SLC4A4: variants seen among roughly 807,000 people sequenced by gnomAD.
SLC4A4 encodes the protein solute carrier family 4 member 4, also known as electrogenic sodium bicarbonate cotransporter 1.
Under a neutral mutation model 111.5 loss-of-function variants are expected in SLC4A4, and 27 were observed. That is an observed-to-expected ratio of 0.24 (90% CI 0.18 to 0.33). SLC4A4 has a LOEUF of 0.33. Among genes scored for constraint, SLC4A4 ranks in the 10% least tolerant of loss-of-function variants. The pLI is 1.00. For synonymous variants in SLC4A4, 443 were observed against 463.4 expected (o/e 0.96, Z 0.57); for missense variants, 909 against 1,315.5 (o/e 0.69, Z 4.78).
At chr4:71,230,726 A>G (rs988228498) in intron 1 of SLC4A4, among the ~76,000 whole-genome samples, 1 of 152,182 alleles carries the variant, frequency 6.6e-6, no homozygotes, top group African/African-American at 2.4e-5. Flanking sequence ...AACTTGATCC[A>G]TGTGCAGCAT....
intron 2 of SLC4A4, 85 bp from the exon 3 acceptor site, chr4:71,255,135 T>G (rs1208162610): frequency 9.6e-6 from 12 of 1,249,452 alleles, no homozygotes; most frequent in Non-Finnish European, 1.4e-5. Flanking sequence ...TATAGACATT[T>G]TCTTCTGATC....
chr4:71,508,012 C>G (rs1391775278), intron 16 of SLC4A4, among the ~76,000 whole-genome samples: 1 of 152,016 alleles, frequency 6.6e-6, no homozygotes, highest in Non-Finnish European at 1.5e-5. Flanking sequence ...AATTAAGGCA[C>G]AAATCAGGAA....
rs7654669 is a variant in SLC4A4 at position 71,212,886 on chromosome 4, A to G, written c.-1-23690A>G. Among the ~76,000 whole-genome samples, 427 of 152,338 alleles carry G rather than the reference A, an allele frequency of 2.8e-3. 3 individuals are homozygous for G. Among genetic ancestry groups the G allele is most frequent in the African/African-American group, 9.7e-3 (403 of 41,572 alleles). On this transcript the variant is annotated intron_variant, in intron 1 of 25. Coordinates refer to ENST00000264485, the MANE Select transcript of SLC4A4 (RefSeq NM_001098484.3). ...TCCTTGCATAACGATGTTTTGGTCA[A>G]TGATGGGCCACATATATGACAGCAG...
chr4:71,558,838 G>C (rs767353985), intron 22 of SLC4A4, among the ~76,000 whole-genome samples: 8 of 151,252 alleles, frequency 5.3e-5, no homozygotes, highest in Non-Finnish European at 7.4e-5. Flanking sequence ...TCTTAATGGT[G>C]GCTTATGTCT....
chr4:71,467,076 G>C (rs1160761287), intron 13 of SLC4A4, among the ~76,000 whole-genome samples: 2 of 151,530 alleles, frequency 1.3e-5, no homozygotes, highest in African/African-American at 4.8e-5. Context: ...CTGTCAAGTG[G>C]CTCATCCACC....
At chr4:71,229,823 T>G (rs1342966094) in intron 1 of SLC4A4, among the ~76,000 whole-genome samples, 1 of 151,758 alleles carries the variant, frequency 6.6e-6, no homozygotes, top group African/African-American at 2.4e-5. Context: ...TTTTTTTTTT[T>G]TTTTTTTTTT....
chr4:71,067,693 A>C (rs970493911), intron 1 of SLC4A4, among the ~76,000 whole-genome samples: 1 of 152,182 alleles, frequency 6.6e-6, no homozygotes, highest in Non-Finnish European at 1.5e-5. Context: ...ATAAAAGGAA[A>C]TACCAGGATA....
chr4:71,430,782 C>T (rs1172704965), intron 7 of SLC4A4, among the ~76,000 whole-genome samples: 3 of 152,120 alleles, frequency 2.0e-5, no homozygotes, highest in African/African-American at 4.8e-5. Context: ...CCTTTCAACA[C>T]GACGGGGAAC....
intron 2 of SLC4A4, among the ~76,000 whole-genome samples, chr4:71,240,987 T>G (rs1720167919): frequency 6.6e-6 from 1 of 151,676 alleles, no homozygotes; most frequent in African/African-American, 2.4e-5. Flanking sequence ...CTGGGTGTTG[T>G]GCATGCCTGT....
chr4:71,360,919 A>T (rs1056740323), intron 6 of SLC4A4, among the ~76,000 whole-genome samples: 1 of 152,190 alleles, frequency 6.6e-6, no homozygotes, highest in African/African-American at 2.4e-5. Flanking sequence ...AATGGAATTT[A>T]TTGAGCAAAA....
At chr4:71,451,137 C>T (rs536432297) in intron 10 of SLC4A4, 51 bp from the exon 11 acceptor site, 8 of 1,185,526 alleles carry the variant, frequency 6.7e-6, no homozygotes, top group South Asian at 2.5e-5. Context: ...AGCTAAGAAG[C>T]GAATGAATAA....
intron 3 of SLC4A4, among the ~76,000 whole-genome samples, chr4:71,277,511 C>G (rs150155246): frequency 2.0e-5 from 3 of 151,196 alleles, no homozygotes; most frequent in African/African-American, 7.3e-5. Context: ...CCTTTTCCTT[C>G]CCTTTTCCTT....
chr4:71,219,400 T>C (rs971126690), intron 1 of SLC4A4, among the ~76,000 whole-genome samples: 8 of 152,224 alleles, frequency 5.3e-5, no homozygotes, highest in Admixed American at 5.2e-4. Flanking sequence ...ATTTACTGAA[T>C]ATTTTAAGCT....
At chr4:71,120,129 T>C (rs536303130) in intron 2 of SLC4A4, among the ~76,000 whole-genome samples, 2 of 152,324 alleles carry the variant, frequency 1.3e-5, no homozygotes, top group African/African-American at 2.4e-5. Context: ...TTCCCTCTCA[T>C]GGAGCTTTTC....
chr4:71,098,604 C>G (rs1742626842), intron 2 of SLC4A4, among the ~76,000 whole-genome samples: 1 of 152,028 alleles, frequency 6.6e-6, no homozygotes, highest in Non-Finnish European at 1.5e-5. Flanking sequence ...GGAATAAAAT[C>G]ACATACACCA....
In SLC4A4 at chr4:71,552,489, G is replaced by A. The variant is rs140374145; in HGVS notation, c.2695-2651G>A. ...TTATTTTTAAATTTACCCTTTTCTC[G>A]TTTACTCTTCTGGGAATATTCAAAT... On this transcript the variant is annotated intron_variant, in intron 20 of 25. Transcript: ENST00000264485. Among the ~76,000 whole-genome samples, 999 of 151,704 alleles carry A rather than the reference G, an allele frequency of 6.6e-3. 5 individuals carry two copies. The highest frequency in any genetic ancestry group is 9.4e-3 in the Non-Finnish European group (640 of 67,836).
intron 16 of SLC4A4, among the ~76,000 whole-genome samples, chr4:71,498,961 T>A (rs1012931056): frequency 6.6e-6 from 1 of 152,174 alleles, no homozygotes; most frequent in African/African-American, 2.4e-5. Context: ...TTTCATGCAT[T>A]CAGATTAACT....
At chr4:71,083,978 CTT>C (rs1209806409) in intron 1 of SLC4A4, among the ~76,000 whole-genome samples, 2 of 151,680 alleles carry the variant, frequency 1.3e-5, no homozygotes, top group African/African-American at 2.4e-5. Context: ...GTAAGATCTA[CTT>C]CTGCCTCTTG....
intron 16 of SLC4A4, among the ~76,000 whole-genome samples, chr4:71,504,419 G>GT (rs1029378570): frequency 1.1e-3 from 170 of 149,728 alleles, no homozygotes; most frequent in African/African-American, 4.0e-3. Context: ...GCTATCAGTT[G>GT]TTTTTTTTAT....
Sources: allele counts gnomAD v4.1 joint callset (sites outside exome capture counted in the v4.1 genomes callset), GRCh38; gene constraint gnomAD v4.1.1; transcripts MANE v1.5; gene names NCBI Gene and HGNC (gene_info 2026-07-23, HGNC 2026-07-21).